MAGI2: variants seen among roughly 807,000 people sequenced by gnomAD.
MAGI2 encodes the protein membrane-associated guanylate kinase, WW and PDZ domain-containing protein 2.
In MAGI2, 35 loss-of-function variants were observed where a neutral mutation model predicts 133.3. The observed-to-expected ratio is 0.26, with a 90% CI of 0.20 to 0.35. The LOEUF (loss-of-function observed/expected upper bound fraction) is 0.35, where lower values mean the gene tolerates loss of function less well. Among genes scored for constraint, MAGI2 ranks in the 10% least tolerant of loss-of-function variants. The probability of loss-of-function intolerance (pLI) is 1.00; values close to 1 mark genes in which losing one functional copy is unlikely to be tolerated. For synonymous variants in MAGI2, 729 were observed against 710.6 expected (o/e 1.03, Z -0.41); for missense variants, 1,636 against 1,863.4 (o/e 0.88, Z 2.25).
intron 21 of MAGI2, among the ~76,000 whole-genome samples, chr7:78,064,522 GA>G (rs1813617517): frequency 6.6e-6 from 1 of 152,148 alleles, no homozygotes; most frequent in Admixed American, 6.5e-5. Flanking sequence ...ATATGTTTCA[GA>G]AAAAATTCAG....
At chr7:78,934,422 C>T (rs1456943701) in intron 2 of MAGI2, among the ~76,000 whole-genome samples, 4 of 152,070 alleles carry the variant, frequency 2.6e-5, no homozygotes, top group African/African-American at 9.7e-5. Flanking sequence ...TTTTTTTCCA[C>T]TGTATTAATG....
At chr7:79,115,678 C>T (rs533771753) in intron 1 of MAGI2, among the ~76,000 whole-genome samples, 2 of 151,928 alleles carry the variant, frequency 1.3e-5, no homozygotes, top group South Asian at 4.2e-4. Flanking sequence ...AGCTCTTTAG[C>T]TGGTGAAATA....
At chr7:78,833,787 A>G (rs946374182) in intron 2 of MAGI2, among the ~76,000 whole-genome samples, 8 of 152,184 alleles carry the variant, frequency 5.3e-5, no homozygotes, top group Admixed American at 3.3e-4. Flanking sequence ...ACCCTGCCTA[A>G]TATACAAATG....
intron 1 of MAGI2, among the ~76,000 whole-genome samples, chr7:79,210,033 A>G (rs2129552590): frequency 6.6e-6 from 1 of 152,230 alleles, no homozygotes; most frequent in South Asian, 2.1e-4. Context: ...TGAAAATCTG[A>G]ACTATATAAA....
chr7:79,224,475 C>A (rs1310490637), intron 1 of MAGI2, among the ~76,000 whole-genome samples: 1 of 151,768 alleles, frequency 6.6e-6, no homozygotes, highest in Non-Finnish European at 1.5e-5. Context: ...AGATATTTAC[C>A]CAAGAGAAAT....
At chr7:78,984,041 T>C (rs1394317926) in intron 2 of MAGI2, among the ~76,000 whole-genome samples, 1 of 152,038 alleles carries the variant, frequency 6.6e-6, no homozygotes, top group Non-Finnish European at 1.5e-5. Context: ...GTTTCTCTTG[T>C]AGACTTTGCA....
intron 6 of MAGI2, among the ~76,000 whole-genome samples, chr7:78,488,288 T>A (rs559609099): frequency 2.0e-5 from 3 of 152,134 alleles, no homozygotes; most frequent in African/African-American, 4.8e-5. Context: ...ACAAATAACA[T>A]TGAAATATTA....
intron 1 of MAGI2, among the ~76,000 whole-genome samples, chr7:79,314,353 C>G (rs1838539352): frequency 6.6e-6 from 1 of 152,184 alleles, no homozygotes; most frequent in East Asian, 1.9e-4. Flanking sequence ...AAGTGATCCA[C>G]CTGCCTTGGC....
chr7:78,501,364 C>T (rs547115239), intron 5 of MAGI2, among the ~76,000 whole-genome samples: 13 of 151,984 alleles, frequency 8.6e-5, no homozygotes, highest in South Asian at 8.3e-4. Flanking sequence ...TTGTAGGGTG[C>T]TATTATTTAA....
chr7:79,294,806 T>C (rs958636761), intron 1 of MAGI2, among the ~76,000 whole-genome samples: 1 of 133,754 alleles, frequency 7.5e-6, no homozygotes, highest in Non-Finnish European at 1.6e-5. Flanking sequence ...CTCGGCTCAC[T>C]GCAAGCTCCG....
chr7:79,302,550 C>T lies in MAGI2; in HGVS notation c.301+150470G>A, dbSNP rs1837468538. The stretch of plus-strand genomic sequence containing the variant: ...TGTATATATTTAAAGTTGATGGATA[C>T]CATGTGCCTTCAACAATCTTTTCTA... On this transcript the variant is annotated intron_variant, in intron 1 of 21. Coordinates refer to ENST00000354212, the MANE Select transcript of MAGI2 (RefSeq NM_012301.4). Among the ~76,000 whole-genome samples the T allele has an allele frequency of 3.4e-5, 5 of 145,858 alleles. No individual in the cohort carries two copies. In the South Asian group the frequency reaches 9.2e-4, roughly 27 times the overall value.
At chr7:79,380,986 A>G (rs927340665) in intron 1 of MAGI2, among the ~76,000 whole-genome samples, 1 of 151,800 alleles carries the variant, frequency 6.6e-6, no homozygotes, top group Non-Finnish European at 1.5e-5. Context: ...AAAAAAACTG[A>G]TACTTTAGAC....
chr7:78,946,678 C>G (rs1402875173), intron 2 of MAGI2: 1 of 152,088 alleles, frequency 6.6e-6, no homozygotes, highest in Admixed American at 6.5e-5. Flanking sequence ...ATGTTTATTT[C>G]CTGAAAAATG....
intron 2 of MAGI2, among the ~76,000 whole-genome samples, chr7:78,941,046 C>A (rs1800924777): frequency 6.6e-6 from 1 of 151,794 alleles, no homozygotes; most frequent in Non-Finnish European, 1.5e-5. Context: ...ATCAGATGCT[C>A]AGGCTTTATA....
chr7:79,191,179 G>T (rs1262273897), intron 1 of MAGI2, among the ~76,000 whole-genome samples: 1 of 151,268 alleles, frequency 6.6e-6, no homozygotes, highest in Admixed American at 6.6e-5. Flanking sequence ...TTTCCACACA[G>T]ATCTCATATT....
intron 1 of MAGI2, among the ~76,000 whole-genome samples, chr7:79,171,772 T>TATATATATA (rs1215314753): frequency 3.7e-4 from 8 of 21,746 alleles, no homozygotes; most frequent in South Asian, 1.2e-3. Flanking sequence ...ATATATATAT[T>TATATATATA]TTTTTTTTTT....
At chr7:79,090,903 T>G (rs1816985362) in intron 1 of MAGI2, among the ~76,000 whole-genome samples, 1 of 152,134 alleles carries the variant, frequency 6.6e-6, no homozygotes, top group Admixed American at 6.6e-5. Flanking sequence ...ACTTCCGTGA[T>G]TTATCACACA....
intron 1 of MAGI2, among the ~76,000 whole-genome samples, chr7:79,399,090 C>CTTTTTTTTTTTTTTTTTTTTTTTT (rs1337058211): frequency 3.0e-5 from 3 of 101,436 alleles, no homozygotes; most frequent in Admixed American, 2.0e-4. Context: ...TTTTTTTTTT[C>CTTTTTTTTTTTTTTTTTTTTTTTT]TTTTCTTTTT....
At chr7:79,400,844 C>A (rs1845419647) in intron 1 of MAGI2, among the ~76,000 whole-genome samples, 1 of 151,960 alleles carries the variant, frequency 6.6e-6, no homozygotes. Context: ...GTTGTACAAG[C>A]ACAGCTATCC....
Sources: allele counts gnomAD v4.1 joint callset (sites outside exome capture counted in the v4.1 genomes callset), GRCh38; gene constraint gnomAD v4.1.1; transcripts MANE v1.5; gene names NCBI Gene and HGNC (gene_info 2026-07-23, HGNC 2026-07-21).